Variants in LRRC37A2 observed in about 807,000 individuals in gnomAD.
LRRC37A2 encodes leucine-rich repeat-containing protein 37A2.
LRRC37A2 carries 9 observed loss-of-function variants against 68.8 expected under a neutral mutation model. The observed-to-expected ratio is 0.13, with a 90% CI of 0.08 to 0.23. The LOEUF (loss-of-function observed/expected upper bound fraction) is 0.23. Ranked by LOEUF, LRRC37A2 falls within the 10% of genes least tolerant of loss-of-function variation. The pLI is 1.00. For missense variants in LRRC37A2, 168 were observed against 950.4 expected, an observed-to-expected ratio of 0.18 and a Z score of 10.82; for synonymous variants, 63 against 367.6, an observed-to-expected ratio of 0.17 and a Z score of 9.48.
chr17:46,971,093 G>A, the LRRC37A2 span, among the ~76,000 whole-genome samples: 1 of 152,116 alleles, frequency 6.6e-6, no homozygotes, highest in African/African-American at 2.4e-5. Context: ...GCTCATGCCT[G>A]TAATCCCAGC....
At chr17:46,751,635 C>T in the LRRC37A2 span, 830 of 1,498,280 alleles carry the variant, frequency 5.5e-4, 5 homozygotes, top group African/African-American at 0.01. Flanking sequence ...CTTCGTTCTC[C>T]GTATGACTCA....
the LRRC37A2 span, among the ~76,000 whole-genome samples, chr17:46,766,406 CAA>C: frequency 5.5e-5 from 7 of 126,884 alleles, no homozygotes; most frequent in South Asian, 2.6e-4. Flanking sequence ...GACTCAGTCT[CAA>C]AAAAAAAAAA....
chr17:46,488,486 C>A, the LRRC37A2 span, among the ~76,000 whole-genome samples: 1 of 68,512 alleles, frequency 1.5e-5, no homozygotes, highest in South Asian at 6.4e-4. Flanking sequence ...GCGGGCGGAT[C>A]ACGAGGTCAG....
chr17:46,988,483 T>C, the LRRC37A2 span, among the ~76,000 whole-genome samples: 1 of 152,246 alleles, frequency 6.6e-6, no homozygotes, highest in African/African-American at 2.4e-5. Flanking sequence ...GTTATGTGTA[T>C]TTCATGTCAT....
chr17:46,822,581 C>T, the LRRC37A2 span, among the ~76,000 whole-genome samples: 1 of 152,240 alleles, frequency 6.6e-6, no homozygotes, highest in African/African-American at 2.4e-5. Flanking sequence ...CACTCCGCTC[C>T]CTGCGGGCCC....
chr17:46,770,373 C>T, the LRRC37A2 span, among the ~76,000 whole-genome samples: 2 of 152,220 alleles, frequency 1.3e-5, no homozygotes, highest in Non-Finnish European at 2.9e-5. Flanking sequence ...ATAAGGCAGC[C>T]ACTTCTGTCC....
At chr17:46,944,815 G>T in the LRRC37A2 span, among the ~76,000 whole-genome samples, 3 of 152,184 alleles carry the variant, frequency 2.0e-5, no homozygotes, top group African/African-American at 7.2e-5. Flanking sequence ...GGGCAGGCTG[G>T]TCTCGAACTC....
At chr17:46,915,088 A>G in the LRRC37A2 span, among the ~76,000 whole-genome samples, 2 of 152,176 alleles carry the variant, frequency 1.3e-5, no homozygotes, top group Non-Finnish European at 2.9e-5. Flanking sequence ...CCATTTTACT[A>G]TATCTCTTGA....
the LRRC37A2 span, among the ~76,000 whole-genome samples, chr17:46,874,023 C>T: frequency 1.3e-5 from 2 of 151,072 alleles, no homozygotes; most frequent in Non-Finnish European, 2.9e-5. Context: ...TGATGCTGTA[C>T]AGGGCAGCCA....
At chr17:46,746,143 A>G in the LRRC37A2 span, among the ~76,000 whole-genome samples, 1 of 152,232 alleles carries the variant, frequency 6.6e-6, no homozygotes, top group African/African-American at 2.4e-5. Context: ...GGTCTGTTGC[A>G]TATTCATCTA....
chr17:46,939,210 G>A, the LRRC37A2 span: 2 of 1,078,150 alleles, frequency 1.9e-6, no homozygotes, highest in Non-Finnish European at 2.3e-6. Flanking sequence ...TTTTCTCACA[G>A]CCATTATATT....
the LRRC37A2 span, among the ~76,000 whole-genome samples, chr17:46,998,041 A>G: frequency 6.6e-6 from 1 of 152,038 alleles, no homozygotes; most frequent in African/African-American, 2.4e-5. Flanking sequence ...TAAAAGATTT[A>G]AGAGACATCA....
chr17:47,028,420 A>G, the LRRC37A2 span: 33 of 1,056,616 alleles, frequency 3.1e-5, no homozygotes, highest in East Asian at 6.8e-4. Flanking sequence ...AACTCATACA[A>G]TTATTGGGTA....
At chr17:47,020,932 A>G in the LRRC37A2 span, among the ~76,000 whole-genome samples, 5 of 152,130 alleles carry the variant, frequency 3.3e-5, no homozygotes, top group South Asian at 6.2e-4. Context: ...GAGATGCTAC[A>G]TGGGTAAGCT....
At chr17:46,975,013 T>TTTTTTTA in the LRRC37A2 span, among the ~76,000 whole-genome samples, 1 of 92,200 alleles carries the variant, frequency 1.1e-5, no homozygotes, top group Admixed American at 1.1e-4. Context: ...TTTTTTTTTT[T>TTTTTTTA]ATGTCCAGGG....
chr17:46,900,368 A>G, the LRRC37A2 span, among the ~76,000 whole-genome samples: 1 of 151,676 alleles, frequency 6.6e-6, no homozygotes, highest in African/African-American at 2.4e-5. Context: ...CTCCTGTCTC[A>G]GCCTCCCTAG....
the LRRC37A2 span, chr17:46,935,055 C>T: frequency 2.5e-6 from 4 of 1,611,686 alleles, no homozygotes; most frequent in Non-Finnish European, 3.4e-6. Flanking sequence ...TACCAATGGA[C>T]GAATCACTGC....
the LRRC37A2 span, among the ~76,000 whole-genome samples, chr17:46,819,059 G>A: frequency 1.3e-5 from 2 of 152,192 alleles, no homozygotes; most frequent in Non-Finnish European, 1.5e-5. The surrounding 1 kb of genome is among the most constrained non-coding windows in gnomAD (Gnocchi z 5.3). Context: ...GGGCATGAAC[G>A]GGTGGCTCCT....
the LRRC37A2 span, among the ~76,000 whole-genome samples, chr17:46,984,805 A>G: frequency 3.9e-5 from 6 of 152,248 alleles, no homozygotes; most frequent in Admixed American, 3.9e-4. Flanking sequence ...TCTTTGTATG[A>G]GCCATTTTAA....
Sources: allele counts gnomAD v4.1 joint callset (sites outside exome capture counted in the v4.1 genomes callset), GRCh38; gene constraint gnomAD v4.1.1; non-coding constraint Gnocchi (gnomAD v3.1); transcripts MANE v1.5; gene names NCBI Gene and HGNC (gene_info 2026-07-23, HGNC 2026-07-21).